CACNA1E: variants seen among roughly 807,000 people sequenced by gnomAD.
CACNA1E encodes voltage-dependent R-type calcium channel subunit alpha-1E.
A neutral mutation model predicts 259.2 loss-of-function variants in CACNA1E; 40 were observed. The ratio of observed to expected loss-of-function variants is 0.15; its 90% CI spans 0.12 to 0.20. CACNA1E has a LOEUF of 0.20. Ranked by LOEUF, CACNA1E falls within the 10% of genes least tolerant of loss-of-function variation. The pLI is 1.00. For missense variants in CACNA1E, 1,874 were observed against 3,040.1 expected, an observed-to-expected ratio of 0.62 and a Z score of 9.02; for synonymous variants, 1,104 against 1,138.5, an observed-to-expected ratio of 0.97 and a Z score of 0.61.
At chr1:181,482,102 C>T (rs1186779507), upstream of CACNA1E, among the ~76,000 whole-genome samples, 1 of 152,236 alleles carries the variant, frequency 6.6e-6, no homozygotes, top group Admixed American at 6.5e-5. Flanking sequence ...GTCCTAGCCT[C>T]CTCCACGGGG....
At chr1:181,460,945 A>C (rs1242199135) in intron 2 of CACNA1E, among the ~76,000 whole-genome samples, 6 of 152,182 alleles carry the variant, frequency 3.9e-5, no homozygotes, top group African/African-American at 1.4e-4. Context: ...GGGTGTATAA[A>C]ATATCTGATA....
At chr1:181,326,310 C>A (rs990395291) in intron 1 of CACNA1E, among the ~76,000 whole-genome samples, 12 of 152,176 alleles carry the variant, frequency 7.9e-5, no homozygotes, top group African/African-American at 2.9e-4. Flanking sequence ...GAGGTTTGGA[C>A]CCCTAATTAA....
intron 7 of CACNA1E, among the ~76,000 whole-genome samples, chr1:181,675,184 C>T (rs978874058): frequency 2.0e-5 from 3 of 152,144 alleles, no homozygotes; most frequent in South Asian, 2.1e-4. Context: ...ACAGCATGTT[C>T]GTGGTTTATA....
chr1:181,489,073 A>G (rs964246110), intron 1 of CACNA1E, among the ~76,000 whole-genome samples: 1 of 152,282 alleles, frequency 6.6e-6, no homozygotes. Flanking sequence ...CCCTTACGTC[A>G]TGCACAGGGC....
chr1:181,693,682 G>C (rs1651429431), intron 7 of CACNA1E, among the ~76,000 whole-genome samples: 1 of 151,996 alleles, frequency 6.6e-6, no homozygotes. Flanking sequence ...AAAAACTGTT[G>C]GGCACTATAG....
At chr1:181,613,113 C>A (rs111349664) in intron 6 of CACNA1E, among the ~76,000 whole-genome samples, 23 of 152,314 alleles carry the variant, frequency 1.5e-4, no homozygotes, top group African/African-American at 5.5e-4. Flanking sequence ...GTATCAAATA[C>A]CACACAGTTT....
chr1:181,522,326 G>A (rs1667051814), intron 3 of CACNA1E, among the ~76,000 whole-genome samples: 1 of 152,168 alleles, frequency 6.6e-6, no homozygotes, highest in African/African-American at 2.4e-5. Flanking sequence ...CTGGCCCTCT[G>A]AGATTATACT....
chr1:181,795,326 T>A (rs1661693299), intron 46 of CACNA1E, among the ~76,000 whole-genome samples: 1 of 152,214 alleles, frequency 6.6e-6, no homozygotes, highest in Non-Finnish European at 1.5e-5. Context: ...AATAGCCTTC[T>A]ACAAAACCAC....
chr1:181,363,297 C>T (rs1392315683), intron 1 of CACNA1E, among the ~76,000 whole-genome samples: 3 of 152,124 alleles, frequency 2.0e-5, no homozygotes, highest in African/African-American at 4.8e-5. Flanking sequence ...TGCCAAAATG[C>T]GCGTGTGGGA....
At chr1:181,389,815 C>T (rs1396647739) in intron 1 of CACNA1E, among the ~76,000 whole-genome samples, 1 of 152,102 alleles carries the variant, frequency 6.6e-6, no homozygotes, top group Admixed American at 6.5e-5. Flanking sequence ...TGATTTAGAG[C>T]AGAAGGAGCT....
At chr1:181,489,384 G>A (rs1349794436) in intron 1 of CACNA1E, among the ~76,000 whole-genome samples, 1 of 152,140 alleles carries the variant, frequency 6.6e-6, no homozygotes, top group Non-Finnish European at 1.5e-5. Flanking sequence ...GAAAAGGAAG[G>A]TTATTTGTCT....
chr1:181,753,340 C>T (rs539513874), intron 27 of CACNA1E, among the ~76,000 whole-genome samples: 7 of 152,282 alleles, frequency 4.6e-5, no homozygotes, highest in Non-Finnish European at 1.0e-4. Flanking sequence ...GCTTGGAGTG[C>T]GCCTCCTAAA....
At chr1:181,320,945 A>G (rs1162610465) in intron 1 of CACNA1E, among the ~76,000 whole-genome samples, 2 of 152,184 alleles carry the variant, frequency 1.3e-5, no homozygotes, top group Admixed American at 6.5e-5. Flanking sequence ...TGCAGGCTGT[A>G]CAAGAAGCAT....
intron 1 of CACNA1E, among the ~76,000 whole-genome samples, chr1:181,353,924 A>G (rs539531576): frequency 6.6e-6 from 1 of 152,326 alleles, no homozygotes; most frequent in South Asian, 2.1e-4. Flanking sequence ...GTTAATAATT[A>G]TTTGCTATGT....
At chr1:181,438,001 C>A (rs182646946) in intron 2 of CACNA1E, among the ~76,000 whole-genome samples, 1 of 152,324 alleles carries the variant, frequency 6.6e-6, no homozygotes, top group East Asian at 1.9e-4. Context: ...CTTATGCCAT[C>A]CTCCAGTCTA....
intron 1 of CACNA1E, among the ~76,000 whole-genome samples, chr1:181,406,428 G>A (rs148637530): frequency 0.021 from 3,192 of 151,752 alleles, 110 homozygotes; most frequent in African/African-American, 0.073. Flanking sequence ...ATGGAGTCTC[G>A]TTCTGTCTCC....
At chr1:181,378,342 G>C (rs1203957639) in intron 1 of CACNA1E, among the ~76,000 whole-genome samples, 1 of 152,226 alleles carries the variant, frequency 6.6e-6, no homozygotes, top group African/African-American at 2.4e-5. Context: ...AGTAATCTTT[G>C]AGCAATGGCA....
chr1:181,551,529 C>A (rs1197112153), intron 3 of CACNA1E, among the ~76,000 whole-genome samples: 1 of 152,174 alleles, frequency 6.6e-6, no homozygotes, highest in African/African-American at 2.4e-5. Flanking sequence ...CCAGCTGAAA[C>A]CTTCATTGTT....
intron 3 of CACNA1E, among the ~76,000 whole-genome samples, chr1:181,522,896 C>T (rs945791833): frequency 6.6e-6 from 1 of 152,224 alleles, no homozygotes; most frequent in Non-Finnish European, 1.5e-5. Flanking sequence ...ATGAGTGCAG[C>T]CAGCTCTTTA....
Sources: gnomAD v4.1 joint callset for allele counts (sites outside exome capture counted in the v4.1 genomes callset) on GRCh38, gnomAD v4.1.1 for gene constraint, MANE v1.5 for transcripts, NCBI Gene and HGNC (gene_info 2026-07-23, HGNC 2026-07-21) for gene names.